The following PLCB1 variants were observed in gnomAD, a reference collection of about 807,000 sequenced individuals.
PLCB1 encodes 1-phosphatidylinositol 4,5-bisphosphate phosphodiesterase beta-1.
PLCB1 carries 46 observed loss-of-function variants against 161.8 expected under a neutral mutation model. The ratio of observed to expected loss-of-function variants is 0.28; its 90% confidence interval spans 0.22 to 0.36. The LOEUF (loss-of-function observed/expected upper bound fraction) is 0.36, where lower values mean the gene tolerates loss of function less well. Ranked by LOEUF, PLCB1 falls within the 10% of genes least tolerant of loss-of-function variation. The probability of loss-of-function intolerance (pLI) is 1.00; values close to 1 mark genes in which losing one functional copy is unlikely to be tolerated. For synonymous variants in PLCB1, 517 were observed against 503.7 expected (o/e 1.03, Z -0.35); for missense variants, 1,016 against 1,472.5 (o/e 0.69, Z 5.07).
intron 2 of PLCB1, among the ~76,000 whole-genome samples, chr20:8,157,240 C>T (rs2051571697): frequency 6.6e-6 from 1 of 152,166 alleles, no homozygotes; most frequent in South Asian, 2.1e-4. Flanking sequence ...AAATTTGAAG[C>T]ATCGTATGGA....
chr20:8,523,496 C>CTATATATA (rs777011717), intron 3 of PLCB1, among the ~76,000 whole-genome samples: 14 of 51,640 alleles, frequency 2.7e-4, no homozygotes, highest in African/African-American at 5.0e-4. Flanking sequence ...CTCTCTCTCT[C>CTATATATA]TATATATATA....
At chr20:8,617,092 C>T (rs1258110174) in intron 3 of PLCB1, among the ~76,000 whole-genome samples, 1 of 152,098 alleles carries the variant, frequency 6.6e-6, no homozygotes, top group Non-Finnish European at 1.5e-5. Flanking sequence ...CAATGCTGTT[C>T]AAACTGAGGC....
At chr20:8,463,191 G>T (rs1981666401) in intron 3 of PLCB1, among the ~76,000 whole-genome samples, 1 of 149,508 alleles carries the variant, frequency 6.7e-6, no homozygotes, top group Non-Finnish European at 1.5e-5. Flanking sequence ...GTCTGTGTAT[G>T]TGTGTGTGCT....
chr20:8,436,449 GACA>G (rs1980314932), intron 3 of PLCB1, among the ~76,000 whole-genome samples: 1 of 141,552 alleles, frequency 7.1e-6, no homozygotes. Flanking sequence ...AAAAAAACAA[GACA>G]ACAAACACTT....
intron 31 of PLCB1, among the ~76,000 whole-genome samples, chr20:8,795,464 G>A (rs778773199): frequency 1.3e-5 from 2 of 152,226 alleles, no homozygotes; most frequent in African/African-American, 4.8e-5. Context: ...GTAGAGTTCT[G>A]AATTCTGGAG....
At chr20:8,662,787 A>T (rs1257177157) in intron 9 of PLCB1, among the ~76,000 whole-genome samples, 1 of 151,796 alleles carries the variant, frequency 6.6e-6, no homozygotes, top group East Asian at 1.9e-4. Flanking sequence ...AAGTAAAGAG[A>T]AGGCGCATTA....
At chr20:8,309,350 TC>T (rs1241834105) in intron 2 of PLCB1, among the ~76,000 whole-genome samples, 3 of 152,158 alleles carry the variant, frequency 2.0e-5, no homozygotes, top group African/African-American at 7.2e-5. Context: ...TCTACAAAGG[TC>T]CTGCAGATAG....
chr20:8,180,885 A>T (rs2051833678), intron 2 of PLCB1, among the ~76,000 whole-genome samples: 1 of 152,138 alleles, frequency 6.6e-6, no homozygotes, highest in Non-Finnish European at 1.5e-5. Flanking sequence ...ATGAGACATT[A>T]AATTTAAAAA....
intron 2 of PLCB1, among the ~76,000 whole-genome samples, chr20:8,279,178 A>G (rs1982751194): frequency 6.6e-6 from 1 of 152,170 alleles, no homozygotes; most frequent in African/African-American, 2.4e-5. Context: ...AATTGAAAGC[A>G]GGGACTCTAA....
rs968575793 is a variant in PLCB1 at position 8,340,413 on chromosome 20, GT to G, written c.178-30960del. On this transcript the variant is annotated intron_variant, in intron 2 of 31. Transcript: ENST00000338037. Reference sequence around the variant, plus strand: ...GATTTTAATATATTGTTAAATTCTAGTTTTTTTTTGTTTTTGTTTTTGTTTT... The same window carrying G: ...GATTTTAATATATTGTTAAATTCTAGTTTTTTTTGTTTTTGTTTTTGTTTT... 3.3e-5 allele frequency among the ~76,000 whole-genome samples: 5 copies of G among 151,534 alleles called. No homozygotes were observed. In the South Asian group the frequency reaches 6.3e-4, roughly 19 times the overall value.
At chr20:8,493,787 C>T (rs1374183188) in intron 3 of PLCB1, among the ~76,000 whole-genome samples, 1 of 96,450 alleles carries the variant, frequency 1.0e-5, no homozygotes, top group Non-Finnish European at 2.2e-5. Context: ...TGTGCTATAG[C>T]ATCACTGGAA....
intron 3 of PLCB1, among the ~76,000 whole-genome samples, chr20:8,377,919 T>G (rs910677959): frequency 6.6e-6 from 1 of 152,150 alleles, no homozygotes; most frequent in Non-Finnish European, 1.5e-5. Flanking sequence ...TGTGGGCATT[T>G]GAGGCTCAAA....
intron 1 of PLCB1, among the ~76,000 whole-genome samples, chr20:8,133,596 C>A (rs893562025): frequency 1.6e-4 from 24 of 152,214 alleles, no homozygotes; most frequent in African/African-American, 5.3e-4. Context: ...ATGACTTCCC[C>A]TTCCCCTCTA....
At chr20:8,754,080 A>C (rs6039253) in intron 23 of PLCB1, among the ~76,000 whole-genome samples, 34,219 of 152,104 alleles carry the variant, frequency 0.22, 3,860 homozygotes, top group Middle Eastern at 0.36. Flanking sequence ...CTTGGTGCCC[A>C]CTTTATCCCC....
intron 3 of PLCB1, among the ~76,000 whole-genome samples, chr20:8,608,393 A>G (rs1282032756): frequency 6.6e-6 from 1 of 152,162 alleles, no homozygotes; most frequent in Non-Finnish European, 1.5e-5. Context: ...CTCTTTACTC[A>G]AGGACCTAAA....
intron 3 of PLCB1, among the ~76,000 whole-genome samples, chr20:8,397,924 T>TA: frequency 6.6e-6 from 1 of 152,058 alleles, no homozygotes; most frequent in South Asian, 2.1e-4. Context: ...ATTTTTTTTT[T>TA]AAATGCCTTC....
chr20:8,738,770 G>A (rs768186175), intron 20 of PLCB1, among the ~76,000 whole-genome samples: 219 of 152,162 alleles, frequency 1.4e-3, no homozygotes, highest in Non-Finnish European at 2.3e-3. Context: ...GGCAACCCAT[G>A]TCTTCTCCTC....
intron 31 of PLCB1, among the ~76,000 whole-genome samples, chr20:8,834,531 G>T (rs1986185504): frequency 6.6e-6 from 1 of 152,156 alleles, no homozygotes; most frequent in Non-Finnish European, 1.5e-5. Context: ...GCCACAGGCT[G>T]CTGGTCAGCA....
intron 2 of PLCB1, among the ~76,000 whole-genome samples, chr20:8,155,699 CA>C (rs2051552022): frequency 6.6e-6 from 1 of 152,014 alleles, no homozygotes; most frequent in African/African-American, 2.4e-5. Flanking sequence ...TAGGGTATCC[CA>C]AAATTGTCAA....
Sources: gnomAD v4.1 joint callset for allele counts (sites outside exome capture counted in the v4.1 genomes callset) on GRCh38, gnomAD v4.1.1 for gene constraint, MANE v1.5 for transcripts, NCBI Gene and HGNC (gene_info 2026-07-23, HGNC 2026-07-21) for gene names.